CPQ: variants seen among roughly 807,000 people sequenced by gnomAD.
The protein encoded by CPQ is carboxypeptidase Q, also known as Ser-Met dipeptidase.
Under a neutral mutation model 45.7 loss-of-function variants are expected in CPQ, and 37 were observed. The ratio of observed to expected loss-of-function variants is 0.81; its 90% CI spans 0.62 to 1.07. The LOEUF is 1.07. Among genes scored for constraint, CPQ ranks in the 50% least tolerant of loss-of-function variants. The probability of loss-of-function intolerance (pLI) is 0.00; values close to 1 mark genes in which losing one functional copy is unlikely to be tolerated. For synonymous variants in CPQ, 186 were observed against 205.8 expected (o/e 0.90, Z 0.82); for missense variants, 537 against 572.9 (o/e 0.94, Z 0.64).
chr8:97,054,120 A>G (rs1014316437), intron 6 of CPQ, among the ~76,000 whole-genome samples: 1 of 152,174 alleles, frequency 6.6e-6, no homozygotes, highest in African/African-American at 2.4e-5. Flanking sequence ...AGTTCAATGA[A>G]TTGACATTTC....
chr8:96,651,173 C>G (rs1815572172), intron 1 of CPQ, among the ~76,000 whole-genome samples: 4 of 152,124 alleles, frequency 2.6e-5, no homozygotes, highest in Admixed American at 2.6e-4. Context: ...TACTGTTTAC[C>G]AAGCACCTAA....
chr8:96,835,263 C>A, intron 3 of CPQ, 83 bp downstream of exon 3: 2 of 1,087,822 alleles, frequency 1.8e-6, no homozygotes, highest in Middle Eastern at 3.3e-4. Flanking sequence ...AAAAACAAAC[C>A]ATTCAAATGA....
intron 7 of CPQ, among the ~76,000 whole-genome samples, chr8:97,071,462 C>T (rs1460650394): frequency 2.6e-5 from 4 of 152,142 alleles, no homozygotes; most frequent in Non-Finnish European, 5.9e-5. Context: ...TTAGCAGGCA[C>T]TATAATTCAG....
intron 5 of CPQ, among the ~76,000 whole-genome samples, chr8:97,008,139 TA>T (rs61156664): frequency 0.67 from 100,788 of 150,924 alleles, 33,673 homozygotes; most frequent in African/African-American, 0.74. Context: ...CCTCTTTATT[TA>T]AAAAAAAAAA....
intron 3 of CPQ, among the ~76,000 whole-genome samples, chr8:96,856,731 A>G (rs1811857074): frequency 6.6e-6 from 1 of 152,230 alleles, no homozygotes; most frequent in Non-Finnish European, 1.5e-5. Flanking sequence ...ATAGACAATA[A>G]ACACATGAAC....
chr8:97,023,077 A>G (rs963364756), intron 5 of CPQ, among the ~76,000 whole-genome samples: 6 of 137,190 alleles, frequency 4.4e-5, no homozygotes, highest in Non-Finnish European at 9.5e-5. Context: ...TGTAGTGTAT[A>G]TATATACACT....
At chr8:97,100,848 GTGAT>G (rs1202195221) in intron 7 of CPQ, among the ~76,000 whole-genome samples, 1 of 152,046 alleles carries the variant, frequency 6.6e-6, no homozygotes, top group African/African-American at 2.4e-5. Context: ...ATGAAATCTA[GTGAT>G]TGATTGTTTA....
chr8:96,853,965 C>T (rs550677227), intron 3 of CPQ, among the ~76,000 whole-genome samples: 1 of 152,232 alleles, frequency 6.6e-6, no homozygotes, highest in South Asian at 2.1e-4. Flanking sequence ...CTATTCTAAC[C>T]CCACACAGCA....
At chr8:96,880,106 G>C (rs925456050) in intron 4 of CPQ, 101 bp downstream of exon 4, 1 of 983,030 alleles carries the variant, frequency 1.0e-6, no homozygotes, top group African/African-American at 1.6e-5. Flanking sequence ...CACCTAGATG[G>C]TCCTCATAGA....
At chr8:96,783,260 A>AGTGTGTGTGTGTGTGTGTGT (rs71267280) in intron 1 of CPQ, among the ~76,000 whole-genome samples, 77 of 147,980 alleles carry the variant, frequency 5.2e-4, no homozygotes, top group Admixed American at 1.8e-3. Context: ...TAGTTGTGTG[A>AGTGTGTGTGTGTGTGTGTGT]GTGTGTGTGT....
intron 7 of CPQ, among the ~76,000 whole-genome samples, chr8:97,113,062 G>A (rs1043384991): frequency 6.6e-6 from 1 of 152,186 alleles, no homozygotes; most frequent in Non-Finnish European, 1.5e-5. Context: ...AGGAGAAGAG[G>A]AGGGATGCTA....
At chr8:96,713,640 T>C (rs1028941784) in intron 1 of CPQ, among the ~76,000 whole-genome samples, 1 of 152,132 alleles carries the variant, frequency 6.6e-6, no homozygotes, top group African/African-American at 2.4e-5. Flanking sequence ...ATGATTCAAA[T>C]ACCTCCCACT....
At chr8:96,877,937 T>C (rs1812169625) in intron 3 of CPQ, among the ~76,000 whole-genome samples, 1 of 152,088 alleles carries the variant, frequency 6.6e-6, no homozygotes, top group Non-Finnish European at 1.5e-5. Context: ...TTTTGATGAA[T>C]AATAAAATTT....
chr8:97,011,433 G>A (rs1198457119), intron 5 of CPQ, among the ~76,000 whole-genome samples: 1 of 152,230 alleles, frequency 6.6e-6, no homozygotes, highest in African/African-American at 2.4e-5. Context: ...AGCATTGTTA[G>A]ATTATATTCT....
intron 1 of CPQ, among the ~76,000 whole-genome samples, chr8:96,740,086 A>G (rs1352394317): frequency 4.0e-5 from 6 of 151,864 alleles, no homozygotes; most frequent in Non-Finnish European, 7.4e-5. Context: ...GATTCTTCCT[A>G]CCCATGAGCA....
chr8:96,812,457 C>T (rs545133337), intron 2 of CPQ, among the ~76,000 whole-genome samples: 1 of 152,160 alleles, frequency 6.6e-6, no homozygotes, highest in East Asian at 1.9e-4. Context: ...TGTCTCTTGC[C>T]CCATGCATAA....
intron 3 of CPQ, among the ~76,000 whole-genome samples, chr8:96,854,549 A>C (rs61573380): frequency 1.8e-5 from 2 of 112,054 alleles, no homozygotes; most frequent in Admixed American, 9.3e-5. Context: ...AAAAAAAAAA[A>C]AAAAAAAAAA....
chr8:97,123,394 TAAAAG>T (rs1246579314), intron 7 of CPQ, among the ~76,000 whole-genome samples: 3 of 150,490 alleles, frequency 2.0e-5, no homozygotes, highest in Admixed American at 6.6e-5. Context: ...GATAATAGCA[TAAAAG>T]AAAAGAGAAT....
At chr8:97,066,789 G>A (rs1424303621) in intron 7 of CPQ, among the ~76,000 whole-genome samples, 7 of 152,150 alleles carry the variant, frequency 4.6e-5, no homozygotes, top group Admixed American at 3.3e-4. Flanking sequence ...ACCCTGGGCA[G>A]TGATTTATCA....
Sources: allele counts gnomAD v4.1 joint callset (sites outside exome capture counted in the v4.1 genomes callset), GRCh38; gene constraint gnomAD v4.1.1; transcripts MANE v1.5; gene names NCBI Gene and HGNC (gene_info 2026-07-23, HGNC 2026-07-21).